The following ZNF705G variants were observed in gnomAD, a reference collection of about 807,000 sequenced individuals.
ZNF705G encodes zinc finger protein 705G.
ZNF705G carries 23 observed loss-of-function variants against 19.6 expected under a neutral mutation model. That is an observed-to-expected ratio of 1.17 (90% CI 0.84 to 1.66). The LOEUF (loss-of-function observed/expected upper bound fraction) is 1.66. ZNF705G is among the 40% of genes most tolerant of loss of function. ZNF705G has a pLI of 0.00. For synonymous variants in ZNF705G, 146 were observed against 117.7 expected, an observed-to-expected ratio of 1.24 and a Z score of -1.56; for missense variants, 457 against 354.4, an observed-to-expected ratio of 1.29 and a Z score of -2.32.
intron 3 of ZNF705G, among the ~76,000 whole-genome samples, chr8:7,362,645 C>T (rs1445055099): frequency 3.4e-5 from 5 of 149,138 alleles, no homozygotes; most frequent in African/African-American, 7.8e-5. Context: ...TTGTAAATAG[C>T]CTTAATAGGG....
chr8:7,375,319 G>C lies in ZNF705G; in HGVS notation c.-72+6133C>G, dbSNP rs1351035438. On this transcript the variant is annotated intron_variant, in intron 2 of 6. Coordinates refer to ENST00000400156, the MANE Select transcript of ZNF705G (RefSeq NM_001164457.3). ...CTTGAGCTAATTTGCTTAGAATAAA[G>C]TCCTCCAGCTGCACCCATGTTGCTG... Among the ~76,000 whole-genome samples the C allele has an allele frequency of 2.1e-5, 2 of 93,894 alleles. 1 individual carries two copies. The highest frequency in any genetic ancestry group is 4.2e-5 in the Non-Finnish European group (2 of 48,082). 61.6% of individuals were successfully genotyped at this position (93,894 alleles called of 152,430 possible).
At chr8:7,364,942 A>G (rs1188421909) in intron 2 of ZNF705G, among the ~76,000 whole-genome samples, 3 of 149,592 alleles carry the variant, frequency 2.0e-5, no homozygotes, top group Non-Finnish European at 2.9e-5. Context: ...AACCCTTAAT[A>G]TTATTACCAA....
chr8:7,378,586 A>C (rs1450982980), intron 2 of ZNF705G, among the ~76,000 whole-genome samples: 1 of 116,380 alleles, frequency 8.6e-6, no homozygotes, highest in Non-Finnish European at 1.6e-5. Flanking sequence ...AGGTGTCAGC[A>C]GGGCTGAGCT....
At chr8:7,378,458 C>A (rs1475307903) in intron 2 of ZNF705G, among the ~76,000 whole-genome samples, 4 of 88,038 alleles carry the variant, frequency 4.5e-5, no homozygotes, top group African/African-American at 2.7e-4. Flanking sequence ...ACTGTATTGG[C>A]TTCCTACGGC....
At position 7,355,943 on chromosome 8, in the gene ZNF705G, A is replaced by T. The variant is rs553192687; in HGVS notation, c.*2033T>A. ...AAATCAATCACTTGTAGAGATTTTAAAATATAATGATGTGTCAACTTCAAC... is the reference window on the plus strand; with the variant it reads ...AAATCAATCACTTGTAGAGATTTTATAATATAATGATGTGTCAACTTCAAC... On this transcript the variant is annotated 3_prime_UTR_variant, in exon 7 of 7. Transcript: ENST00000400156. 2 of 149,708 alleles carry T rather than the reference A, an allele frequency of 1.3e-5. No individual in the cohort carries two copies. Among genetic ancestry groups the T allele is most frequent in the African/African-American group, 5.1e-5 (2 of 39,062 alleles). The allele number at this position is 149,708 out of a possible 1,614,324, so 9.3% of individuals were successfully genotyped here. A position where few individuals can be genotyped will look rare whatever the true frequency, so the allele number is the denominator to read the frequency against.
chr8:7,380,787 A>AG (rs1281328630), intron 2 of ZNF705G, among the ~76,000 whole-genome samples: 1 of 145,822 alleles, frequency 6.9e-6, no homozygotes, highest in African/African-American at 2.8e-5. Flanking sequence ...TGGAAGGCTG[A>AG]GGGGGGCAGA....
rs1242971194 is a variant in ZNF705G, at chr8:7,368,098, A to G, written c.-71-5081T>C. 1.3e-5 allele frequency among the ~76,000 whole-genome samples: 2 copies of G among 149,286 alleles called. 1 individual carries two copies. Among genetic ancestry groups the G allele is most frequent in the African/African-American group, 5.2e-5 (2 of 38,774 alleles). ...CTGATTGGCTTCCCCTTATATATGA[A>G]AAAAAAATTAATAAACCGAATCACC... On this transcript the variant is annotated intron_variant, in intron 2 of 6. Transcript: ENST00000400156.
intron 5 of ZNF705G, among the ~76,000 whole-genome samples, chr8:7,359,948 T>G (rs1286949258): frequency 6.7e-6 from 1 of 149,372 alleles, no homozygotes. Flanking sequence ...AGAGGGATAG[T>G]CTTCACAGGG....
intron 3 of ZNF705G, 77 bp from the exon 4 acceptor site, chr8:7,361,313 A>C (rs1158185316): frequency 1.9e-6 from 3 of 1,590,966 alleles, no homozygotes; most frequent in Non-Finnish European, 2.5e-6. Flanking sequence ...GAGATGACAT[A>C]GCTAGCAGCT....
intron 3 of ZNF705G, among the ~76,000 whole-genome samples, chr8:7,362,392 A>C (rs1435994334): frequency 2.0e-5 from 3 of 149,598 alleles, no homozygotes; most frequent in Admixed American, 6.6e-5. Context: ...CTTTTCCCTC[A>C]ACACTGCACA....
At chr8:7,361,417 C>T (rs1239417405) in intron 3 of ZNF705G, among the ~76,000 whole-genome samples, 181 bp from the exon 4 acceptor site, 1 of 149,620 alleles carries the variant, frequency 6.7e-6, no homozygotes. Context: ...CAGAGATATA[C>T]CCACTCTGAA....
At chr8:7,360,692 G>A (rs1247275392) in intron 4 of ZNF705G, among the ~76,000 whole-genome samples, 7 of 149,460 alleles carry the variant, frequency 4.7e-5, no homozygotes, top group Non-Finnish European at 7.4e-5. Flanking sequence ...AAAAACATTC[G>A]ATTTACAAAA....
At chr8:7,384,562 A>G (rs1243505550) in intron 1 of ZNF705G, among the ~76,000 whole-genome samples, 1 of 146,134 alleles carries the variant, frequency 6.8e-6, no homozygotes, top group East Asian at 1.9e-4. Context: ...CACACAAGAT[A>G]CTACTTTCCT....
chr8:7,360,915 C>T (rs1467880522), intron 4 of ZNF705G, among the ~76,000 whole-genome samples, 195 bp downstream of exon 4: 1 of 149,356 alleles, frequency 6.7e-6, no homozygotes, highest in African/African-American at 2.6e-5. Flanking sequence ...AATTGAGTGA[C>T]AAACTAAATA....
chr8:7,359,595 G>T (rs754755940), intron 6 of ZNF705G, 24 bp downstream of exon 6: 8 of 1,604,862 alleles, frequency 5.0e-6, no homozygotes, highest in Non-Finnish European at 5.1e-6. Context: ...TTAGATGACT[G>T]GTGTACACAG....
chr8:7,366,429 T>A (rs1448777005), intron 2 of ZNF705G, among the ~76,000 whole-genome samples: 4 of 149,454 alleles, frequency 2.7e-5, no homozygotes, highest in African/African-American at 1.0e-4. Context: ...TCTCACATTT[T>A]AAAAAAAGGA....
At chr8:7,380,400 C>T (rs1187051546) in intron 2 of ZNF705G, among the ~76,000 whole-genome samples, 3 of 147,636 alleles carry the variant, frequency 2.0e-5, no homozygotes, top group Admixed American at 6.6e-5. Context: ...TATGAGCCCA[C>T]CCAGCCTGGT....
At position 7,356,053 on chromosome 8, in the gene ZNF705G, T is replaced by C. The variant is rs575025969; in HGVS notation, c.*1923A>G. On this transcript the variant is annotated 3_prime_UTR_variant, in exon 7 of 7. Transcript: ENST00000400156. ...CAAAATTTCAAGTCATCCCACTTAATATTCAGGAAACATTTTCTCTTCAGT... is the reference window on the plus strand; with the variant it reads ...CAAAATTTCAAGTCATCCCACTTAACATTCAGGAAACATTTTCTCTTCAGT... 4.0e-5 allele frequency: 6 copies of C among 149,632 alleles called. No individual in the cohort carries two copies. In the East Asian group the frequency reaches 1.2e-3, roughly 29 times the overall value. The allele number at this position is 149,632 out of a possible 1,614,324, so 9.3% of individuals were successfully genotyped here.
intron 2 of ZNF705G, among the ~76,000 whole-genome samples, chr8:7,379,534 C>T (rs1807396252): frequency 6.8e-6 from 1 of 147,172 alleles, no homozygotes; most frequent in East Asian, 1.9e-4. Flanking sequence ...TTGAAGAGGG[C>T]ATGAAAGAGG....
Sources: gnomAD v4.1 joint callset for allele counts (sites outside exome capture counted in the v4.1 genomes callset) on GRCh38, gnomAD v4.1.1 for gene constraint, MANE v1.5 for transcripts, NCBI Gene and HGNC (gene_info 2026-07-23, HGNC 2026-07-21) for gene names.